CHUK: variants seen among roughly 807,000 people sequenced by gnomAD.
CHUK encodes inhibitor of nuclear factor kappa-B kinase subunit alpha.
CHUK carries 35 observed loss-of-function variants against 104.8 expected under a neutral mutation model. That is an observed-to-expected ratio of 0.33 (90% CI 0.26 to 0.44). The LOEUF (loss-of-function observed/expected upper bound fraction) is 0.44, where lower values mean the gene tolerates loss of function less well. CHUK is among the 20% of genes least tolerant of loss of function. The pLI is 1.00. For synonymous variants in CHUK, 276 were observed against 291.9 expected (o/e 0.95, Z 0.56); for missense variants, 663 against 902.7 (o/e 0.73, Z 3.40).
At chr10:100,197,927 T>C (rs889741676) in intron 16 of CHUK, among the ~76,000 whole-genome samples, 2 of 152,214 alleles carry the variant, frequency 1.3e-5, no homozygotes, top group African/African-American at 4.8e-5. Flanking sequence ...TGCACTGTTT[T>C]ACATTTTTGC....
At chr10:100,228,973 C>T (rs1472382795) in intron 1 of CHUK, among the ~76,000 whole-genome samples, 1 of 137,376 alleles carries the variant, frequency 7.3e-6, no homozygotes, top group Non-Finnish European at 1.6e-5. Context: ...CATATGGCCT[C>T]CAAGCGCGCG....
At chr10:100,227,068 C>T (rs558129286) in intron 1 of CHUK, among the ~76,000 whole-genome samples, 19 of 152,282 alleles carry the variant, frequency 1.2e-4, no homozygotes, top group African/African-American at 4.6e-4. Context: ...CCTTTACCAC[C>T]ATGGAAATGA....
Position 100,209,594 on chromosome 10 carries a change from C to T in CHUK, c.1128+1G>A, listed in dbSNP as rs1325826202. Reference sequence around the variant, plus strand: ...AGGGATATTATAATTAATTTTCTTACAACTCCATCTAGAACACATTGAGAG... The same window carrying T: ...AGGGATATTATAATTAATTTTCTTATAACTCCATCTAGAACACATTGAGAG... On this transcript the variant is annotated splice_donor_variant, in intron 10 of 20. Coordinates refer to ENST00000370397, the MANE Select transcript of CHUK (RefSeq NM_001278.5). LOFTEE classifies it high-confidence loss of function. 6.4e-7 allele frequency: 1 copy of T among 1,574,626 alleles called. No individual in the cohort carries two copies. The highest frequency in any genetic ancestry group is 1.3e-5 in the African/African-American group (1 of 74,244).
chr10:100,217,931 A>T (rs889756902), intron 9 of CHUK, 64 bp downstream of exon 9: 11 of 1,441,382 alleles, frequency 7.6e-6, no homozygotes, highest in Middle Eastern at 1.7e-4. Flanking sequence ...TATTTATGCT[A>T]ATTTTCCAAA....
chr10:100,225,534 A>G, intron 2 of CHUK, among the ~76,000 whole-genome samples: 1 of 152,188 alleles, frequency 6.6e-6, no homozygotes, highest in Non-Finnish European at 1.5e-5. Context: ...CCTTTCAGCT[A>G]TTGTGAATAA....
chr10:100,228,402 T>G (rs1047232586), intron 1 of CHUK, among the ~76,000 whole-genome samples: 1 of 152,154 alleles, frequency 6.6e-6, no homozygotes, highest in African/African-American at 2.4e-5. Context: ...GCCTATAATC[T>G]CTGCACTTTG....
At position 100,193,378 on chromosome 10, in the gene CHUK, G is replaced by T. The variant is rs140566994; in HGVS notation, c.2028C>A (p.Thr676=). ...LVGSSLEGAV[T]PQTSAWLPPT... is the part of the protein sequence containing the mutation. ...GGGGCAGCCATGCTGATGTCTGAGG[G>T]GTTACTGCACCTTCTAGACTGGATC... Residue 676 remains threonine (T), a synonymous_variant, in exon 19 of 21, where the codon ACC becomes ACA. Transcript: ENST00000370397. 45 of 1,613,904 alleles carry T rather than the reference G, an allele frequency of 2.8e-5. No individual in the cohort carries two copies. Among genetic ancestry groups the T allele is most frequent in the Non-Finnish European group, 3.7e-5 (44 of 1,179,960 alleles).
intron 20 of CHUK, 73 bp from the exon 21 acceptor site, chr10:100,189,700 C>A: frequency 9.3e-7 from 1 of 1,071,974 alleles, no homozygotes; most frequent in Non-Finnish European, 1.4e-6. Context: ...TTCATTTTTG[C>A]AAGTTTTCTG....
At chr10:100,225,621 G>A (rs2134252879) in intron 2 of CHUK, among the ~76,000 whole-genome samples, 2 of 152,232 alleles carry the variant, frequency 1.3e-5, no homozygotes, top group South Asian at 4.1e-4. Flanking sequence ...ACCCAGAAAT[G>A]GAATTGCTGG....
chr10:100,211,274 A>G (rs1245482622), intron 9 of CHUK, among the ~76,000 whole-genome samples: 8 of 152,196 alleles, frequency 5.3e-5, no homozygotes, highest in Admixed American at 1.3e-4. Context: ...TATCTTTTAC[A>G]TATTTTATTT....
At position 100,219,007 on chromosome 10, in the gene CHUK, C is replaced by T. The variant is rs1845925512; in HGVS notation, c.689+1G>A. The T allele has an allele frequency of 6.2e-7, 1 of 1,613,866 alleles. No individual in the cohort carries two copies. Among genetic ancestry groups the T allele is most frequent in the Admixed American group, 1.7e-5 (1 of 60,000 alleles). On this transcript the variant is annotated splice_donor_variant, in intron 7 of 20. Transcript: ENST00000370397. LOFTEE classifies it high-confidence loss of function. ...TGCCCAAGTTCTCATCCATTTCTTA[C>T]CAGGTAAATGGCTGCAGATGATGCA...
At chr10:100,193,503 T>C (rs1845252904) in intron 18 of CHUK, 72 bp from the exon 19 acceptor site, 1 of 1,561,036 alleles carries the variant, frequency 6.4e-7, no homozygotes, top group Non-Finnish European at 8.8e-7. Flanking sequence ...TTTCTTATCA[T>C]ATTCCTAAGA....
intron 2 of CHUK, among the ~76,000 whole-genome samples, chr10:100,223,761 G>C (rs1846042023): frequency 6.6e-6 from 1 of 152,212 alleles, no homozygotes; most frequent in South Asian, 2.1e-4. Context: ...ATTAGAGTCA[G>C]AAAGTATTTA....
At chr10:100,200,819 A>G (rs765241418) in intron 14 of CHUK, 39 bp from the exon 15 acceptor site, 1 of 1,102,634 alleles carries the variant, frequency 9.1e-7, no homozygotes, top group East Asian at 2.4e-5. Context: ...TGAAAGGCTT[A>G]CCACTACATC....
intron 9 of CHUK, among the ~76,000 whole-genome samples, chr10:100,215,189 C>G (rs560871010): frequency 8.0e-6 from 1 of 125,784 alleles, no homozygotes; most frequent in Admixed American, 1.0e-4. Context: ...GAGTTGAGAT[C>G]GTGAGACAGA....
intron 9 of CHUK, among the ~76,000 whole-genome samples, chr10:100,215,499 T>C (rs1175897457): frequency 2.0e-5 from 3 of 151,738 alleles, no homozygotes; most frequent in African/African-American, 7.3e-5. Flanking sequence ...AGAATATAGT[T>C]ACATTTAGGG....
intron 9 of CHUK, among the ~76,000 whole-genome samples, chr10:100,215,060 C>A (rs982782993): frequency 1.3e-5 from 2 of 151,814 alleles, no homozygotes; most frequent in African/African-American, 4.8e-5. Context: ...CATGGTGAAA[C>A]CCCATTTCTA....
Position 100,219,255 on chromosome 10 carries a change from C to G in CHUK, c.564+15G>C. The stretch of plus-strand genomic sequence containing the variant: ...CTATACACACTTAAATTCAAAGAAA[C>G]AAAACAGGTCTCACCAGATACTGCA... On this transcript the variant is annotated intron_variant, in intron 6 of 20. Coordinates refer to ENST00000370397, the MANE Select transcript of CHUK (RefSeq NM_001278.5). 1 of 1,574,258 alleles carries G rather than the reference C, an allele frequency of 6.4e-7. No individual in the cohort carries two copies. The highest frequency in any genetic ancestry group is 8.7e-7 in the Non-Finnish European group (1 of 1,143,738).
chr10:100,193,770 A>T lies in CHUK; in HGVS notation c.1974+214T>A, dbSNP rs1564828931. The T allele has an allele frequency of 2.8e-5, 17 of 617,034 alleles. No individual in the cohort carries two copies. In the South Asian group the frequency reaches 2.9e-4, roughly 11 times the overall value. 38.2% of individuals were successfully genotyped at this position (617,034 alleles called of 1,614,324 possible). On this transcript the variant is annotated intron_variant, in intron 18 of 20. Transcript: ENST00000370397. Reference sequence around the variant, plus strand: ...AATACCACAGTAGTCAAGGGCTAAGAGGAGTATAACAACAGAGAAATTGGA... The same window carrying T: ...AATACCACAGTAGTCAAGGGCTAAGTGGAGTATAACAACAGAGAAATTGGA...
Sources: allele counts gnomAD v4.1 joint callset (sites outside exome capture counted in the v4.1 genomes callset), GRCh38; gene constraint gnomAD v4.1.1; transcripts MANE v1.5; gene names NCBI Gene and HGNC (gene_info 2026-07-23, HGNC 2026-07-21).